RPRD2: variants seen among roughly 807,000 people sequenced by gnomAD.
The protein encoded by RPRD2 is regulation of nuclear pre-mRNA domain-containing protein 2.
In RPRD2, 12 loss-of-function variants were observed where a neutral mutation model predicts 104.4. The ratio of observed to expected loss-of-function variants is 0.11; its 90% confidence interval spans 0.07 to 0.19. The LOEUF is 0.19. Among genes scored for constraint, RPRD2 ranks in the 10% least tolerant of loss-of-function variants. The probability of loss-of-function intolerance (pLI) is 1.00; values close to 1 mark genes in which losing one functional copy is unlikely to be tolerated. For missense variants in RPRD2, 1,543 were observed against 1,790.1 expected (o/e 0.86, Z 2.49); for synonymous variants, 714 against 684.9 (o/e 1.04, Z -0.66).
chr1:150,403,243 C>T (rs1388971257), intron 1 of RPRD2, among the ~76,000 whole-genome samples: 1 of 152,082 alleles, frequency 6.6e-6, no homozygotes, highest in Non-Finnish European at 1.5e-5. Flanking sequence ...TATATATTAT[C>T]AGTTTTTTTA....
At chr1:150,385,893 G>A (rs782248790) in intron 1 of RPRD2, among the ~76,000 whole-genome samples, 1 of 152,114 alleles carries the variant, frequency 6.6e-6, no homozygotes, top group South Asian at 2.1e-4. Context: ...TCCCCCTTGG[G>A]TGCATATTCT....
At position 150,427,704 on chromosome 1, in the gene RPRD2, C is replaced by T. The variant is rs782454530; in HGVS notation, c.335+9979C>T. ...TTTCCAGCTACTCAGGAGGCTGAGG[C>T]GGGAGGATCTCTTGAGCCCAGGAGG... On this transcript the variant is annotated intron_variant, in intron 2 of 10. Transcript: ENST00000369068. Among the ~76,000 whole-genome samples, 16 of 152,102 alleles carry T rather than the reference C, an allele frequency of 1.1e-4. 1 individual carries two copies. Among genetic ancestry groups the T allele is most frequent in the East Asian group, 3.9e-4 (2 of 5,164 alleles).
intron 1 of RPRD2, among the ~76,000 whole-genome samples, chr1:150,413,384 T>A (rs1166386430): frequency 6.6e-6 from 1 of 152,124 alleles, no homozygotes; most frequent in Non-Finnish European, 1.5e-5. Context: ...GCGGATCACC[T>A]GAGGTCGGGA....
chr1:150,421,698 G>A (rs1264984762), intron 2 of RPRD2, among the ~76,000 whole-genome samples: 1 of 152,110 alleles, frequency 6.6e-6, no homozygotes, highest in Admixed American at 6.6e-5. Flanking sequence ...TTAATGCCAG[G>A]TGTGATGGTT....
intron 1 of RPRD2, among the ~76,000 whole-genome samples, chr1:150,373,343 T>C (rs1267594512): frequency 6.6e-6 from 1 of 151,950 alleles, no homozygotes; most frequent in African/African-American, 2.4e-5. Context: ...TTATTCTTGT[T>C]TCTGCTGGAA....
intron 1 of RPRD2, among the ~76,000 whole-genome samples, chr1:150,408,155 A>G (rs919007397): frequency 7.7e-6 from 1 of 129,558 alleles, no homozygotes; most frequent in Non-Finnish European, 1.6e-5. Flanking sequence ...AAATATTCAT[A>G]TGATTTTTTT....
chr1:150,365,010 G>A (rs1659726739), intron 1 of RPRD2, 91 bp downstream of exon 1: 2 of 1,336,750 alleles, frequency 1.5e-6, no homozygotes, highest in African/African-American at 1.5e-5. Context: ...CGGAGCCGCA[G>A]CATTTGGTTG....
chr1:150,411,482 GAAAC>G lies in RPRD2; in HGVS notation c.206-6106_206-6103del, dbSNP rs200552088. On this transcript the variant is annotated intron_variant, in intron 1 of 10. Transcript: ENST00000369068. ...TCAAAAAAAAAAACAAAAAAAAAACGAAACAAACAAAAGAAGAAGGCAGTACACT... is the reference window on the plus strand; with the variant it reads ...TCAAAAAAAAAAACAAAAAAAAAACGAAACAAAAGAAGAAGGCAGTACACT... Among the ~76,000 whole-genome samples the G allele has an allele frequency of 7.8e-3, 823 of 105,792 alleles. 89 individuals are homozygous for G. Among genetic ancestry groups the G allele is most frequent in the African/African-American group, 0.032 (775 of 24,332 alleles). 69.4% of individuals were successfully genotyped at this position (105,792 alleles called of 152,430 possible).
intron 1 of RPRD2, among the ~76,000 whole-genome samples, chr1:150,407,783 ATAT>A (rs1663591114): frequency 6.6e-6 from 1 of 152,206 alleles, no homozygotes; most frequent in Non-Finnish European, 1.5e-5. Flanking sequence ...TTCTATTTAA[ATAT>A]TCAAGTGACA....
intron 2 of RPRD2, among the ~76,000 whole-genome samples, chr1:150,436,474 G>A (rs1445580221): frequency 6.6e-6 from 1 of 151,936 alleles, no homozygotes; most frequent in Non-Finnish European, 1.5e-5. Context: ...GGTGGCAGGC[G>A]TCTGTAGTCC....
chr1:150,404,651 G>A (rs782754035), intron 1 of RPRD2, among the ~76,000 whole-genome samples: 1 of 152,074 alleles, frequency 6.6e-6, no homozygotes, highest in African/African-American at 2.4e-5. Flanking sequence ...GTCTCCCTAT[G>A]TTGCCCAGGC....
chr1:150,462,504 C>T (rs1445420973), intron 9 of RPRD2, among the ~76,000 whole-genome samples: 1 of 151,788 alleles, frequency 6.6e-6, no homozygotes, highest in Non-Finnish European at 1.5e-5. Context: ...ATGAATAACC[C>T]TTTGCAAGGG....
At chr1:150,426,205 A>T (rs782073479) in intron 2 of RPRD2, among the ~76,000 whole-genome samples, 3 of 152,174 alleles carry the variant, frequency 2.0e-5, no homozygotes, top group Non-Finnish European at 2.9e-5. Flanking sequence ...CAGTAATGAG[A>T]CATTGCTCTA....
At chr1:150,427,668 G>A (rs781949772) in intron 2 of RPRD2, among the ~76,000 whole-genome samples, 36 of 151,930 alleles carry the variant, frequency 2.4e-4, no homozygotes, top group African/African-American at 5.3e-4. Context: ...ATATGGTGGC[G>A]CGTGCCTGTG....
intron 1 of RPRD2, among the ~76,000 whole-genome samples, chr1:150,379,160 G>A (rs1660940777): frequency 6.6e-6 from 1 of 151,140 alleles, no homozygotes; most frequent in Admixed American, 6.6e-5. Flanking sequence ...GCGTGCGCCT[G>A]TAATCCCAGC....
chr1:150,452,337 G>A (rs1490936312), intron 7 of RPRD2, among the ~76,000 whole-genome samples: 1 of 152,132 alleles, frequency 6.6e-6, no homozygotes, highest in Non-Finnish European at 1.5e-5. Context: ...AGCACAGCCT[G>A]CTGACATCTT....
intron 2 of RPRD2, among the ~76,000 whole-genome samples, chr1:150,418,837 T>C (rs1466448816): frequency 6.6e-6 from 1 of 152,080 alleles, no homozygotes; most frequent in Non-Finnish European, 1.5e-5. Context: ...GGTAAAACCC[T>C]GTCTCTACTA....
At chr1:150,451,774 C>T (rs587639231) in intron 7 of RPRD2, among the ~76,000 whole-genome samples, 1 of 151,680 alleles carries the variant, frequency 6.6e-6, no homozygotes, top group African/African-American at 2.4e-5. Flanking sequence ...AGGGTCTTTG[C>T]TGATATAATC....
rs146747234 is a variant in RPRD2 at position 150,399,235 on chromosome 1, C to G, written c.206-18361C>G. Among the ~76,000 whole-genome samples, 1,281 of 152,088 alleles carry G rather than the reference C, an allele frequency of 8.4e-3. 26 individuals carry two copies. Among genetic ancestry groups the G allele is most frequent in the African/African-American group, 0.03 (1,226 of 41,490 alleles). ...CCTAGGCTGGTCTCAAACTCCTGGG[C>G]TCAAGCAATCCTCCCACCTTGGCCT... On this transcript the variant is annotated intron_variant, in intron 1 of 10. Coordinates refer to ENST00000369068, the MANE Select transcript of RPRD2 (RefSeq NM_015203.5).
Sources: allele counts gnomAD v4.1 joint callset (sites outside exome capture counted in the v4.1 genomes callset), GRCh38; gene constraint gnomAD v4.1.1; transcripts MANE v1.5; gene names NCBI Gene and HGNC (gene_info 2026-07-23, HGNC 2026-07-21).